Variants in CCDC178 observed in about 807,000 individuals in gnomAD.
The protein encoded by CCDC178 is coiled-coil domain containing 178.
A neutral mutation model predicts 117.4 loss-of-function variants in CCDC178; 126 were observed. That is an observed-to-expected ratio of 1.07 (90% CI 0.93 to 1.24). CCDC178 has a LOEUF of 1.24. CCDC178 is among the 50% of genes most tolerant of loss of function. The probability of loss-of-function intolerance (pLI) is 0.00; values close to 1 mark genes in which losing one functional copy is unlikely to be tolerated. For missense variants in CCDC178, 1,030 were observed against 986.9 expected (o/e 1.04, Z -0.59); for synonymous variants, 283 against 313.4 (o/e 0.90, Z 1.02).
chr18:33,333,506 CTTTTTTTTTTT>C (rs11361411), intron 9 of CCDC178, 112 bp from the exon 10 acceptor site: 8 of 152,916 alleles, frequency 5.2e-5, no homozygotes, highest in African/African-American at 2.5e-4. Context: ...AATCTTACTA[CTTTTTTTTTTT>C]TTTTTTTTTT....
At chr18:33,211,801 C>A in intron 20 of CCDC178, 95 bp downstream of exon 20, 1 of 960,204 alleles carries the variant, frequency 1.0e-6, no homozygotes, top group Non-Finnish European at 1.6e-6. Flanking sequence ...TCTTAACACC[C>A]TTGCTACTTC....
intron 21 of CCDC178, among the ~76,000 whole-genome samples, chr18:32,987,321 T>C: frequency 6.6e-6 from 1 of 151,998 alleles, no homozygotes; most frequent in Non-Finnish European, 1.5e-5. Flanking sequence ...TACAGGCATA[T>C]ACTAGCACAA....
At chr18:33,355,440 G>T (rs2063040034) in intron 7 of CCDC178, among the ~76,000 whole-genome samples, 2 of 152,216 alleles carry the variant, frequency 1.3e-5, no homozygotes, top group African/African-American at 4.8e-5. Flanking sequence ...GATTTGGTCT[G>T]TGTTAGGGTA....
intron 15 of CCDC178, 71 bp downstream of exon 15, chr18:33,245,174 T>C (rs749505702): frequency 2.3e-6 from 3 of 1,302,164 alleles, no homozygotes; most frequent in African/African-American, 1.5e-5. Flanking sequence ...ATTATCAAGA[T>C]GAAATCGATA....
At chr18:33,428,444 G>A (rs1332350759) in intron 2 of CCDC178, among the ~76,000 whole-genome samples, 1 of 152,096 alleles carries the variant, frequency 6.6e-6, no homozygotes, top group East Asian at 1.9e-4. Flanking sequence ...GGGCAGTGCA[G>A]AGTCGGATTT....
At chr18:33,345,745 TC>T (rs1330692402) in intron 9 of CCDC178, among the ~76,000 whole-genome samples, 1 of 152,194 alleles carries the variant, frequency 6.6e-6, no homozygotes, top group East Asian at 1.9e-4. Flanking sequence ...TCCAGGTTTG[TC>T]CAGTGCAGTC....
intron 21 of CCDC178, among the ~76,000 whole-genome samples, chr18:33,011,767 CAAAAAAAAAAAAAAAAAAAAAAAA>C (rs71177899): frequency 1.8e-3 from 53 of 29,986 alleles, no homozygotes; most frequent in Non-Finnish European, 4.0e-3. Flanking sequence ...GAGCAGAATG[CAAAAAAAAAAAAAAAAAAAAAAAA>C]AAAAAAAAAA....
chr18:33,059,580 T>G (rs1398373994), intron 21 of CCDC178, among the ~76,000 whole-genome samples: 1 of 152,192 alleles, frequency 6.6e-6, no homozygotes, highest in African/African-American at 2.4e-5. Flanking sequence ...CTCATTCTTT[T>G]ATCTTACTTC....
intron 20 of CCDC178, among the ~76,000 whole-genome samples, chr18:33,190,256 C>A (rs2058841756): frequency 6.6e-6 from 1 of 152,158 alleles, no homozygotes; most frequent in Non-Finnish European, 1.5e-5. Context: ...CTTTCCAGAT[C>A]TTTCATTCAA....
intron 19 of CCDC178, among the ~76,000 whole-genome samples, chr18:33,215,024 T>C (rs1034561282): frequency 3.3e-5 from 5 of 151,960 alleles, no homozygotes; most frequent in African/African-American, 1.2e-4. Flanking sequence ...GGTCTATGGA[T>C]ACCCAATGAG....
intron 21 of CCDC178, among the ~76,000 whole-genome samples, chr18:32,983,506 T>C (rs763168067): frequency 3.9e-5 from 6 of 152,130 alleles, no homozygotes; most frequent in Non-Finnish European, 7.4e-5. Context: ...TGCTGTATCC[T>C]GTAGATTTGC....
At chr18:33,131,994 G>GT (rs33926281) in intron 20 of CCDC178, among the ~76,000 whole-genome samples, 47 of 149,448 alleles carry the variant, frequency 3.1e-4, no homozygotes, top group South Asian at 4.2e-4. Context: ...TTGTTTCTTT[G>GT]TTTTTTTTTG....
intron 8 of CCDC178, among the ~76,000 whole-genome samples, chr18:33,346,787 A>T (rs1241088945): frequency 2.6e-5 from 4 of 152,178 alleles, no homozygotes; most frequent in Admixed American, 2.6e-4. Flanking sequence ...CATAATGATT[A>T]TATCAGGTAA....
intron 2 of CCDC178, among the ~76,000 whole-genome samples, chr18:33,414,852 A>G (rs1018455996): frequency 2.6e-5 from 4 of 152,238 alleles, no homozygotes; most frequent in African/African-American, 9.6e-5. Flanking sequence ...ACAAATTTAC[A>G]AGGCAAAAAC....
chr18:33,206,048 A>G (rs2059041719), intron 20 of CCDC178, among the ~76,000 whole-genome samples: 1 of 151,986 alleles, frequency 6.6e-6, no homozygotes, highest in South Asian at 2.1e-4. Context: ...AACAGCTGAC[A>G]CCCTCCACTT....
Position 33,085,597 on chromosome 18 carries a change from T to G in CCDC178, c.2388+7164A>C, listed in dbSNP as rs570839352. Among the ~76,000 whole-genome samples, 5 of 152,246 alleles carry G rather than the reference T, an allele frequency of 3.3e-5. No individual in the cohort carries two copies. In the South Asian group the frequency reaches 1.0e-3, roughly 32 times the overall value. Reference sequence around the variant, plus strand: ...AATAAATAAAAAATAAAACGTATTTTTATGCTTCATGGAGTTGTTCAGAGA... The same window carrying G: ...AATAAATAAAAAATAAAACGTATTTGTATGCTTCATGGAGTTGTTCAGAGA... On this transcript the variant is annotated intron_variant, in intron 21 of 22. Transcript: ENST00000383096.
rs560415852 is a variant in CCDC178 at position 33,372,143 on chromosome 18, C to T, written c.209-1954G>A. Reference sequence around the variant, plus strand: ...ACATATGGTAAAGTAATGGGAATCACGTACTATGAACTTAAATTTGCACTA... The same window carrying T: ...ACATATGGTAAAGTAATGGGAATCATGTACTATGAACTTAAATTTGCACTA... On this transcript the variant is annotated intron_variant, in intron 5 of 22. Transcript: ENST00000383096. Among the ~76,000 whole-genome samples, 7 of 152,142 alleles carry T rather than the reference C, an allele frequency of 4.6e-5. 1 individual carries two copies. The South Asian group carries it at 1.2e-3, about 27-fold the overall frequency.
rs567763980 is a variant in CCDC178 at position 33,216,851 on chromosome 18, T to C, written c.1933-1156A>G. The stretch of plus-strand genomic sequence containing the variant: ...TAACTAAGATTTGTTGATAGGTCCA[T>C]TGGAGTATTAAGTTATTTGGGTGGG... On this transcript the variant is annotated intron_variant, in intron 18 of 22. Coordinates refer to ENST00000383096, the MANE Select transcript of CCDC178 (RefSeq NM_001105528.4). 8.5e-5 allele frequency among the ~76,000 whole-genome samples: 13 copies of C among 152,116 alleles called. No individual in the cohort carries two copies. In the East Asian group the frequency reaches 2.5e-3, roughly 29 times the overall value.
intron 21 of CCDC178, among the ~76,000 whole-genome samples, chr18:33,009,389 T>C (rs1568214726): frequency 6.6e-6 from 1 of 152,104 alleles, no homozygotes; most frequent in East Asian, 1.9e-4. Context: ...ATCCCTTCAT[T>C]ATTTCTCTGT....
Sources: allele counts gnomAD v4.1 joint callset (sites outside exome capture counted in the v4.1 genomes callset), GRCh38; gene constraint gnomAD v4.1.1; transcripts MANE v1.5; gene names NCBI Gene and HGNC (gene_info 2026-07-23, HGNC 2026-07-21).